Variants in SMG7 observed in about 807,000 individuals in gnomAD.
SMG7 encodes the protein SMG7 nonsense mediated mRNA decay factor.
In SMG7, 34 loss-of-function variants were observed where a neutral mutation model predicts 148.2. The observed-to-expected ratio is 0.23, with a 90% CI of 0.17 to 0.31. The LOEUF (loss-of-function observed/expected upper bound fraction) is 0.31, where lower values mean the gene tolerates loss of function less well. Among genes scored for constraint, SMG7 ranks in the 10% least tolerant of loss-of-function variants. The probability of loss-of-function intolerance (pLI) is 1.00; values close to 1 mark genes in which losing one functional copy is unlikely to be tolerated. For synonymous variants in SMG7, 492 were observed against 515.1 expected (o/e 0.96, Z 0.61); for missense variants, 1,114 against 1,408.4 (o/e 0.79, Z 3.35).
At position 183,508,939 on chromosome 1, in the gene SMG7, A is replaced by G. The variant is rs376658459; in HGVS notation, c.30-3898A>G. ...CAGACACTATTGTTGATGATTCCTT[A>G]TAACCATAATTTGGTTTGGGAACTT... On this transcript the variant is annotated intron_variant, in intron 1 of 22. Coordinates refer to ENST00000688051, the MANE Select transcript of SMG7 (RefSeq NM_001375584.1). 3.3e-4 allele frequency among the ~76,000 whole-genome samples: 51 copies of G among 152,340 alleles called. No individual in the cohort carries two copies. In the South Asian group the frequency reaches 9.1e-3, roughly 27 times the overall value.
intron 22 of SMG7, 94 bp from the exon 23 acceptor site, chr1:183,551,724 A>G (rs1671090717): frequency 1.1e-6 from 1 of 906,004 alleles, no homozygotes; most frequent in Admixed American, 3.2e-5. Context: ...TTTTGGGGCC[A>G]TATATATGCC....
chr1:183,503,663 C>A (rs1660252628), intron 1 of SMG7, among the ~76,000 whole-genome samples: 1 of 152,114 alleles, frequency 6.6e-6, no homozygotes. Flanking sequence ...CCTGACTAGC[C>A]AGTCAGTAAC....
Position 183,552,071 on chromosome 1 carries a change from C to T in SMG7, c.*140C>T. ...CAAGAGGGTGTAAGTATTCCACCAG[C>T]CCGCTGAGTGTGCACGAAATGTTCG... is the stretch of plus-strand genomic sequence containing the variant. On this transcript the variant is annotated 3_prime_UTR_variant, in exon 23 of 23. Coordinates refer to ENST00000688051, the MANE Select transcript of SMG7 (RefSeq NM_001375584.1). 6 of 1,336,694 alleles carry T rather than the reference C, an allele frequency of 4.5e-6. No individual in the cohort carries two copies. Among genetic ancestry groups the T allele is most frequent in the Non-Finnish European group, 5.8e-6 (6 of 1,031,726 alleles). The allele number at this position is 1,336,694 out of a possible 1,614,324, so 82.8% of individuals were successfully genotyped here. A position where few individuals can be genotyped will look rare whatever the true frequency, so the allele number is the denominator to read the frequency against.
rs201939557 is a variant in SMG7 at position 183,542,267 on chromosome 1, A to C, written c.1607A>C (p.Asn536Thr). Residue 536 changes from asparagine to threonine, a missense_variant, in exon 14 of 23, where the codon AAC becomes ACC. By Grantham distance (65) the Asn-to-Thr change is moderately conservative (BLOSUM62 0). This residue lies in a region of SMG7 where 788 missense variants were observed against 894.5 expected (regional missense o/e 0.88). Coordinates refer to ENST00000688051, the MANE Select transcript of SMG7 (RefSeq NM_001375584.1). ...VLSTSRNLSNNCDTGEKPVVT... is the reference protein window; with the variant it reads ...VLSTSRNLSNTCDTGEKPVVT... The stretch of plus-strand genomic sequence containing the variant: ...TCTACAAGCCGAAATTTAAGCAACA[A>C]CTGTGACACAGGAGAGAAGCCAGTG... 3 of 1,614,138 alleles carry C rather than the reference A, an allele frequency of 1.9e-6. No homozygotes were observed. Among genetic ancestry groups the C allele is most frequent in the Non-Finnish European group, 2.5e-6 (3 of 1,179,996 alleles).
chr1:183,545,274 T>A lies in SMG7; in HGVS notation c.2332T>A (p.Leu778Met). 1 of 1,612,734 alleles carries A rather than the reference T, an allele frequency of 6.2e-7. No individual in the cohort carries two copies. Among genetic ancestry groups the A allele is most frequent in the South Asian group, 1.1e-5 (1 of 91,078 alleles). ...ATCCCCTACAAAAGCTGTGCCGGCT[T>A]TGGGGAAAAGCCCGCCTCACCACTC... is the stretch of plus-strand genomic sequence containing the variant. ...QQSPTKAVPALGKSPPHHSGF... is the reference protein window; with the variant it reads ...QQSPTKAVPAMGKSPPHHSGF... The change falls in exon 16 of 23, where the codon TTG becomes ATG. Residue 778 changes from leucine to methionine, a missense_variant. Transcript: ENST00000688051.
chr1:183,520,720 A>G (rs1182567796), intron 4 of SMG7, among the ~76,000 whole-genome samples: 3 of 152,228 alleles, frequency 2.0e-5, no homozygotes, highest in African/African-American at 7.2e-5. Context: ...CATGACATAC[A>G]TGTGATATAT....
intron 17 of SMG7, 38 bp downstream of exon 17, chr1:183,546,375 A>G: frequency 6.4e-7 from 1 of 1,567,500 alleles, no homozygotes; most frequent in Non-Finnish European, 8.6e-7. Context: ...ATTTGGAGAT[A>G]GGTCTGAGGT....
Position 183,534,513 on chromosome 1 carries a change from G to T in SMG7, c.1163+681G>T, listed in dbSNP as rs561941626. On this transcript the variant is annotated intron_variant, in intron 10 of 22. Coordinates refer to ENST00000688051, the MANE Select transcript of SMG7 (RefSeq NM_001375584.1). Reference sequence around the variant, plus strand: ...TTTGAAAGTTTTGCTTTGTGGCCCAGCATGTATATTGACCAAGGTCACAAC... The same window carrying T: ...TTTGAAAGTTTTGCTTTGTGGCCCATCATGTATATTGACCAAGGTCACAAC... Among the ~76,000 whole-genome samples, 78 of 152,296 alleles carry T rather than the reference G, an allele frequency of 5.1e-4. 2 individuals carry two copies. In the South Asian group the frequency reaches 0.016, roughly 30 times the overall value.
chr1:183,536,280 T>A (rs763661036), intron 10 of SMG7, among the ~76,000 whole-genome samples: 1 of 152,072 alleles, frequency 6.6e-6, no homozygotes, highest in Non-Finnish European at 1.5e-5. Context: ...CCAAATAATT[T>A]TAAGCAACAT....
At chr1:183,513,062 AT>A (rs1389279212) in intron 2 of SMG7, 194 bp downstream of exon 2, 16 of 527,930 alleles carry the variant, frequency 3.0e-5, no homozygotes, top group African/African-American at 3.0e-4. Flanking sequence ...TGGGAATTGC[AT>A]GTAATACTAA....
At chr1:183,474,606 G>A (rs1159015610) in intron 1 of SMG7, among the ~76,000 whole-genome samples, 2 of 152,166 alleles carry the variant, frequency 1.3e-5, no homozygotes, top group Middle Eastern at 3.2e-3. Flanking sequence ...AAGATACGAA[G>A]TGTTTTGAGT....
At chr1:183,541,154 A>ACACATGCGCG in intron 13 of SMG7, 51 bp downstream of exon 13, 1 of 1,577,252 alleles carries the variant, frequency 6.3e-7, no homozygotes, top group Non-Finnish European at 8.7e-7. Context: ...TTTTAGATAA[A>ACACATGCGCG]CACATGCGCG....
chr1:183,547,309 T>C, intron 18 of SMG7, 57 bp downstream of exon 18: 1 of 1,421,356 alleles, frequency 7.0e-7, no homozygotes, highest in Non-Finnish European at 9.6e-7. Context: ...TTCTCTGAGA[T>C]ACTGTAGTAC....
At chr1:183,540,692 A>G (rs1230078984) in intron 12 of SMG7, among the ~76,000 whole-genome samples, 1 of 152,228 alleles carries the variant, frequency 6.6e-6, no homozygotes, top group African/African-American at 2.4e-5. Context: ...TGATAAAAGA[A>G]TCTTTCCTAA....
At chr1:183,489,422 T>A (rs1057437028) in intron 1 of SMG7, among the ~76,000 whole-genome samples, 1 of 152,072 alleles carries the variant, frequency 6.6e-6, no homozygotes, top group Non-Finnish European at 1.5e-5. Flanking sequence ...AACTCCTAGG[T>A]CCTACAGCTT....
chr1:183,516,840 T>C (rs1026322527), intron 3 of SMG7, among the ~76,000 whole-genome samples: 7 of 152,194 alleles, frequency 4.6e-5, no homozygotes, highest in African/African-American at 1.7e-4. Flanking sequence ...ATTGTCCTCC[T>C]AAGTCATTAA....
chr1:183,537,344 G>C, intron 11 of SMG7, 129 bp downstream of exon 11: 1 of 685,182 alleles, frequency 1.5e-6, no homozygotes, highest in Non-Finnish European at 2.6e-6. Context: ...AAGTGACTGT[G>C]AACTCTACAT....
intron 1 of SMG7, among the ~76,000 whole-genome samples, chr1:183,486,920 A>G (rs1182529748): frequency 1.3e-5 from 2 of 152,160 alleles, no homozygotes; most frequent in Non-Finnish European, 2.9e-5. Context: ...CAGGCTGGTC[A>G]CTGTCTTTTT....
intron 15 of SMG7, 150 bp downstream of exon 15, chr1:183,544,647 G>A: frequency 2.3e-6 from 2 of 879,832 alleles, no homozygotes; most frequent in Non-Finnish European, 3.4e-6. Flanking sequence ...TTTTTGAACT[G>A]TTTGTGTGTA....
Sources: gnomAD v4.1 joint callset for allele counts (sites outside exome capture counted in the v4.1 genomes callset) on GRCh38, gnomAD v4.1.1 for gene constraint, gnomAD v4.1.1 regional missense constraint, MANE v1.5 for transcripts, NCBI Gene and HGNC (gene_info 2026-07-23, HGNC 2026-07-21) for gene names.